Variants in BCL2L11 observed in about 807,000 individuals in gnomAD.
The protein encoded by BCL2L11 is bcl-2-like protein 11.
A neutral mutation model predicts 20.6 loss-of-function variants in BCL2L11; 15 were observed. The ratio of observed to expected loss-of-function variants is 0.73; its 90% CI spans 0.49 to 1.12. The LOEUF (loss-of-function observed/expected upper bound fraction) is 1.12. BCL2L11 is among the 50% of genes most tolerant of loss of function. The pLI is 0.00. For synonymous variants in BCL2L11, 108 were observed against 92.8 expected (o/e 1.16, Z -0.94); for missense variants, 292 against 260.9 (o/e 1.12, Z -0.82).
chr2:111,126,124 G>GTGA (rs560907327), intron 2 of BCL2L11, among the ~76,000 whole-genome samples: 3 of 152,262 alleles, frequency 2.0e-5, no homozygotes, highest in Admixed American at 6.5e-5. Flanking sequence ...GTCTCTGTAG[G>GTGA]TGATGGGTTA....
intron 2 of BCL2L11, among the ~76,000 whole-genome samples, chr2:111,136,046 C>G (rs980624483): frequency 1.3e-5 from 2 of 152,200 alleles, no homozygotes; most frequent in African/African-American, 2.4e-5. Flanking sequence ...ATCAACTCCC[C>G]ACTCTGGCCA....
rs895381125 is a variant in BCL2L11 at position 111,144,225 on chromosome 2, G to C, written c.395-5819G>C. On this transcript the variant is annotated intron_variant, in intron 2 of 3. Coordinates refer to ENST00000393256, the MANE Select transcript of BCL2L11 (RefSeq NM_138621.5). Reference sequence around the variant, plus strand: ...GACACAAATGTGTTCCAGGGAGACAGATTGAGGAATCTTTGAGTACTAATG... The same window carrying C: ...GACACAAATGTGTTCCAGGGAGACACATTGAGGAATCTTTGAGTACTAATG... Among the ~76,000 whole-genome samples the C allele has an allele frequency of 4.6e-5, 7 of 152,356 alleles. No individual in the cohort carries two copies. In the South Asian group the frequency reaches 1.4e-3, roughly 32 times the overall value.
Position 111,149,241 on chromosome 2 carries a change from C to T in BCL2L11, c.395-803C>T, listed in dbSNP as rs559828970. Among the ~76,000 whole-genome samples, 4 of 152,218 alleles carry T rather than the reference C, an allele frequency of 2.6e-5. 1 individual carries two copies. In the South Asian group the frequency reaches 8.3e-4, roughly 32 times the overall value. On this transcript the variant is annotated intron_variant, in intron 2 of 3. Transcript: ENST00000393256. ...CATTTTTGTTCTCCTTCATTTTTGG[C>T]TGTCACATGGCTTTTAATGGTTTCA...
At chr2:111,122,562 A>ACGCGGGCACCCGGCGCCAGCGG in intron 1 of BCL2L11, 8 of 968,934 alleles carry the variant, frequency 8.3e-6, no homozygotes, top group Non-Finnish European at 9.8e-6. Context: ...CCAATTGGGA[A>ACGCGGGCACCCGGCGCCAGCGG]CGCGGGCACC....
chr2:111,151,742 G>T, intron 3 of BCL2L11: 1 of 1,157,120 alleles, frequency 8.6e-7, no homozygotes, highest in South Asian at 1.3e-5. Context: ...TTTGAGGAGA[G>T]TGCTGTAGTA....
chr2:111,136,793 G>T (rs1238971319), intron 2 of BCL2L11, among the ~76,000 whole-genome samples: 2 of 152,158 alleles, frequency 1.3e-5, no homozygotes, highest in East Asian at 3.8e-4. Context: ...GAGAGTTTTG[G>T]GGGCATGTAA....
Position 111,123,907 on chromosome 2 carries a change from C to G in BCL2L11, c.162C>G (p.Ser54Arg). 6.2e-7 allele frequency: 1 copy of G among 1,612,712 alleles called. No individual in the cohort carries two copies. Among genetic ancestry groups the G allele is most frequent in the Non-Finnish European group, 8.5e-7 (1 of 1,179,334 alleles). The part of the protein sequence containing the change: ...PEGNHGGEGD[S>R]CPHGSPQGPL... Reference sequence around the variant, plus strand: ...GCAATCACGGAGGTGAAGGGGACAGCTGCCCCCACGGCAGCCCTCAGGGCC... The same window carrying G: ...GCAATCACGGAGGTGAAGGGGACAGGTGCCCCCACGGCAGCCCTCAGGGCC... Residue 54 changes from serine to arginine, a missense_variant, in exon 2 of 4, where the codon AGC (serine) becomes AGG (arginine). Ser to Arg is a moderately radical substitution (Grantham distance 110). Coordinates refer to ENST00000393256, the MANE Select transcript of BCL2L11 (RefSeq NM_138621.5).
At chr2:111,163,395 T>A in intron 3 of BCL2L11, 1 of 152,246 alleles carries the variant, frequency 6.6e-6, no homozygotes, top group Non-Finnish European at 1.5e-5. Context: ...TTGCACATAC[T>A]CACAAAATGG....
intron 2 of BCL2L11, among the ~76,000 whole-genome samples, chr2:111,145,724 G>A (rs1215217295): frequency 6.6e-6 from 1 of 152,078 alleles, no homozygotes; most frequent in Non-Finnish European, 1.5e-5. Context: ...CTTGGTGTTG[G>A]AAAATGCCCT....
intron 3 of BCL2L11, 58 bp from the exon 4 acceptor site, chr2:111,164,075 A>AC: frequency 3.0e-5 from 17 of 564,478 alleles, no homozygotes; most frequent in East Asian, 8.9e-5. Flanking sequence ...ATGGGCTCCC[A>AC]CCCCTCCCCA....
intron 2 of BCL2L11, among the ~76,000 whole-genome samples, chr2:111,124,755 T>G (rs972071973): frequency 1.3e-5 from 2 of 151,974 alleles, no homozygotes; most frequent in African/African-American, 4.8e-5. Context: ...TTACAGAAAA[T>G]AGCTTAATAA....
chr2:111,147,346 T>TCTCTCACACACA (rs760779894), intron 2 of BCL2L11, among the ~76,000 whole-genome samples: 6 of 137,414 alleles, frequency 4.4e-5, no homozygotes, highest in African/African-American at 1.7e-4. Context: ...TCTCTCTCTC[T>TCTCTCACACACA]CACACACACA....
chr2:111,139,035 A>G (rs752080258), intron 2 of BCL2L11, among the ~76,000 whole-genome samples: 5 of 152,212 alleles, frequency 3.3e-5, no homozygotes, highest in African/African-American at 1.2e-4. Context: ...CTGTCGTTCC[A>G]GGAGTATAGG....
intron 2 of BCL2L11, among the ~76,000 whole-genome samples, chr2:111,141,238 A>G (rs1419842256): frequency 6.6e-6 from 1 of 152,058 alleles, no homozygotes; most frequent in Non-Finnish European, 1.5e-5. Flanking sequence ...GGCATTATTC[A>G]CAATAGCAAA....
chr2:111,134,820 G>A (rs1304443688), intron 2 of BCL2L11, among the ~76,000 whole-genome samples: 1 of 152,194 alleles, frequency 6.6e-6, no homozygotes, highest in Non-Finnish European at 1.5e-5. Flanking sequence ...TTCAGTACTT[G>A]GAAAACATGC....
intron 3 of BCL2L11, among the ~76,000 whole-genome samples, chr2:111,153,160 C>T (rs918871931): frequency 5.3e-5 from 8 of 151,874 alleles, no homozygotes; most frequent in African/African-American, 1.9e-4. Context: ...GGTGGATCAC[C>T]AGAGGTCACG....
chr2:111,135,194 TCTC>T (rs1361268563), intron 2 of BCL2L11, among the ~76,000 whole-genome samples: 1 of 152,248 alleles, frequency 6.6e-6, no homozygotes, highest in Non-Finnish European at 1.5e-5. Flanking sequence ...AGATTTTCTC[TCTC>T]TTCAGATTGA....
At chr2:111,154,972 G>A (rs751520118) in intron 3 of BCL2L11, among the ~76,000 whole-genome samples, 2 of 152,178 alleles carry the variant, frequency 1.3e-5, no homozygotes, top group Non-Finnish European at 2.9e-5. Context: ...TGAAGGTCAC[G>A]GAGCTCTTAA....
At chr2:111,129,400 TATTA>T (rs1225343477) in intron 2 of BCL2L11, among the ~76,000 whole-genome samples, 1 of 152,246 alleles carries the variant, frequency 6.6e-6, no homozygotes, top group Non-Finnish European at 1.5e-5. Context: ...CAAACACATT[TATTA>T]ATTGTTAGTT....
Sources: gnomAD v4.1 joint callset for allele counts (sites outside exome capture counted in the v4.1 genomes callset) on GRCh38, gnomAD v4.1.1 for gene constraint, MANE v1.5 for transcripts, NCBI Gene and HGNC (gene_info 2026-07-23, HGNC 2026-07-21) for gene names.